Variants in SPECC1L observed in about 807,000 individuals in gnomAD.
The protein encoded by SPECC1L is cytospin-A.
Under a neutral mutation model 116.8 loss-of-function variants are expected in SPECC1L, and 40 were observed. The ratio of observed to expected loss-of-function variants is 0.34; its 90% CI spans 0.27 to 0.45. The LOEUF (loss-of-function observed/expected upper bound fraction) is 0.45. SPECC1L is among the 20% of genes least tolerant of loss of function. The pLI is 1.00. For missense variants in SPECC1L, 1,110 were observed against 1,373.6 expected (o/e 0.81, Z 3.03); for synonymous variants, 504 against 500.6 (o/e 1.01, Z -0.09).
chr22:24,361,830 G>T, intron 11 of SPECC1L, among the ~76,000 whole-genome samples: 1 of 150,922 alleles, frequency 6.6e-6, no homozygotes, highest in African/African-American at 2.4e-5. Flanking sequence ...AACAAAAAAC[G>T]AGAGAGAGAG....
chr22:24,297,010 A>AC (rs2146387292), intron 2 of SPECC1L, among the ~76,000 whole-genome samples: 1 of 146,402 alleles, frequency 6.8e-6, no homozygotes, highest in Admixed American at 6.8e-5. Context: ...TAGTGGTGTG[A>AC]TCCCAGCTCA....
chr22:24,311,995 G>A (rs2040471077), intron 3 of SPECC1L, among the ~76,000 whole-genome samples: 1 of 151,770 alleles, frequency 6.6e-6, no homozygotes, highest in Admixed American at 6.6e-5. Flanking sequence ...TGGGGACAGG[G>A]TCTCACTCTG....
chr22:24,378,426 C>T (rs1463723423), intron 14 of SPECC1L, among the ~76,000 whole-genome samples: 1 of 152,238 alleles, frequency 6.6e-6, no homozygotes, highest in African/African-American at 2.4e-5. Context: ...TTTGTATATT[C>T]AGTGGTATAG....
At chr22:24,377,136 G>A (rs1185112843) in intron 14 of SPECC1L, among the ~76,000 whole-genome samples, 1 of 152,064 alleles carries the variant, frequency 6.6e-6, no homozygotes. Context: ...CTTTCACTTA[G>A]CATCATGTTT....
chr22:24,284,605 T>C lies in SPECC1L; in HGVS notation c.-38+7802T>C, dbSNP rs573889468. Among the ~76,000 whole-genome samples, 398 of 152,124 alleles carry C rather than the reference T, an allele frequency of 2.6e-3. 3 individuals carry two copies. The highest frequency in any genetic ancestry group is 8.9e-3 in the African/African-American group (369 of 41,488). ...ACCCACTACCACATCCGGCTAATTT[T>C]TTTGTATTTTTAGTAGAGACGGGAT... On this transcript the variant is annotated intron_variant, in intron 2 of 16. Coordinates refer to ENST00000314328, the MANE Select transcript of SPECC1L (RefSeq NM_015330.6).
chr22:24,359,973 G>T (rs1601605001), intron 11 of SPECC1L, among the ~76,000 whole-genome samples: 1 of 152,044 alleles, frequency 6.6e-6, no homozygotes, highest in African/African-American at 2.4e-5. Context: ...TTCTACTCTA[G>T]ACCCCAAGTT....
chr22:24,340,858 G>T (rs2041163515), intron 10 of SPECC1L, among the ~76,000 whole-genome samples: 1 of 152,002 alleles, frequency 6.6e-6, no homozygotes, highest in Non-Finnish European at 1.5e-5. Context: ...AAACTCCCTG[G>T]GTAGGAATTC....
At chr22:24,366,407 A>G (rs1044661529) in intron 13 of SPECC1L, among the ~76,000 whole-genome samples, 5 of 151,950 alleles carry the variant, frequency 3.3e-5, no homozygotes, top group African/African-American at 1.2e-4. Flanking sequence ...GTTAGCCAGG[A>G]TGGTCTCGAT....
At chr22:24,354,376 G>A (rs948257449) in intron 11 of SPECC1L, among the ~76,000 whole-genome samples, 1 of 152,082 alleles carries the variant, frequency 6.6e-6, no homozygotes, top group African/African-American at 2.4e-5. Flanking sequence ...TATTCCATCT[G>A]TAAGGAATTA....
chr22:24,324,404 A>G lies in SPECC1L; in HGVS notation c.2123A>G (p.Asn708Ser). The G allele has an allele frequency of 1.2e-6, 2 of 1,614,010 alleles. No homozygotes were observed. The highest frequency in any genetic ancestry group is 8.5e-7 in the Non-Finnish European group (1 of 1,179,906). Residue 708 changes from asparagine to serine, a missense_variant, in exon 6 of 17, where the codon AAC becomes AGC. This residue lies in a region of SPECC1L where 575 missense variants were observed against 682.4 expected (regional missense o/e 0.84). Transcript: ENST00000314328. The part of the protein sequence containing the change: ...EQHRAVKLHD[N>S]LIISDLENTV... ...CATCGTGCTGTGAAACTTCATGACA[A>G]CCTCATTATTTCTGATCTAGAGAGT...
At chr22:24,323,942 C>T (rs972310196) in intron 5 of SPECC1L, among the ~76,000 whole-genome samples, 3 of 152,072 alleles carry the variant, frequency 2.0e-5, no homozygotes, top group Admixed American at 1.3e-4. Context: ...TTAGGAGAAA[C>T]GAAAATTTCC....
At chr22:24,337,310 A>G (rs2041081199) in intron 9 of SPECC1L, among the ~76,000 whole-genome samples, 1 of 152,254 alleles carries the variant, frequency 6.6e-6, no homozygotes, top group Non-Finnish European at 1.5e-5. Flanking sequence ...TTACAACATT[A>G]TGTTAATTGA....
chr22:24,357,151 A>G (rs1428740375), intron 11 of SPECC1L, among the ~76,000 whole-genome samples: 1 of 152,142 alleles, frequency 6.6e-6, no homozygotes. Flanking sequence ...CTATAAGAGA[A>G]AATCAAGTAG....
At chr22:24,402,480 A>AG (rs2042498591) in intron 14 of SPECC1L, among the ~76,000 whole-genome samples, 1 of 152,198 alleles carries the variant, frequency 6.6e-6, no homozygotes, top group Non-Finnish European at 1.5e-5. Context: ...GCCACAGTAT[A>AG]GGGGGGCATC....
chr22:24,413,798 T>A (rs2042748150), intron 16 of SPECC1L, among the ~76,000 whole-genome samples: 1 of 152,138 alleles, frequency 6.6e-6, no homozygotes, highest in Non-Finnish European at 1.5e-5. Context: ...CTGCATCAAG[T>A]CACCAAGGGC....
rs1006538499 is a variant in SPECC1L at position 24,407,970 on chromosome 22, A to G, written c.3088-3618A>G. Among the ~76,000 whole-genome samples, 14 of 152,160 alleles carry G rather than the reference A, an allele frequency of 9.2e-5. No individual in the cohort carries two copies. In the South Asian group the frequency reaches 2.9e-3, roughly 32 times the overall value. On this transcript the variant is annotated intron_variant, in intron 14 of 16. Transcript: ENST00000314328. ...AAGCAGGCCCATCCTCCTATGATAC[A>G]CCTCACTTTGAATGATCCCAGAGAC...
At chr22:24,361,487 A>G (rs148272492) in intron 11 of SPECC1L, among the ~76,000 whole-genome samples, 104 of 152,318 alleles carry the variant, frequency 6.8e-4, no homozygotes, top group Non-Finnish European at 1.2e-3. Flanking sequence ...CCCTGTCTCT[A>G]CTGAAAATAC....
intron 14 of SPECC1L, 64 bp downstream of exon 14, chr22:24,369,384 C>A: frequency 8.7e-7 from 1 of 1,149,960 alleles, no homozygotes; most frequent in Non-Finnish European, 1.3e-6. Context: ...AGTGTCGTAG[C>A]TTACTACGTG....
At chr22:24,325,942 C>T (rs1383700847) in intron 6 of SPECC1L, among the ~76,000 whole-genome samples, 7 of 151,992 alleles carry the variant, frequency 4.6e-5, no homozygotes, top group Non-Finnish European at 8.8e-5. Context: ...TGTTTGCTTG[C>T]CTGTTTTTTG....
Sources: gnomAD v4.1 joint callset for allele counts (sites outside exome capture counted in the v4.1 genomes callset) on GRCh38, gnomAD v4.1.1 for gene constraint, gnomAD v4.1.1 regional missense constraint, MANE v1.5 for transcripts, NCBI Gene and HGNC (gene_info 2026-07-23, HGNC 2026-07-21) for gene names.